Variants in CSMD1 observed in about 807,000 individuals in gnomAD.
CSMD1 encodes the protein CUB and Sushi multiple domains 1.
Under a neutral mutation model 417.5 loss-of-function variants are expected in CSMD1, and 213 were observed. The observed-to-expected ratio is 0.51, with a 90% CI of 0.46 to 0.57. The LOEUF is 0.57. Among genes scored for constraint, CSMD1 ranks in the 20% least tolerant of loss-of-function variants. The pLI is 0.00. For missense variants in CSMD1, 6,923 were observed against 4,529.7 expected (o/e 1.53, Z -15.17); for synonymous variants, 2,862 against 1,736.8 (o/e 1.65, Z -16.11).
chr8:4,532,967 G>A (rs567717952), intron 2 of CSMD1, among the ~76,000 whole-genome samples: 28 of 151,134 alleles, frequency 1.9e-4, no homozygotes, highest in Admixed American at 7.2e-4. Context: ...ATCCTGCACC[G>A]TCATTCACAG....
intron 1 of CSMD1, among the ~76,000 whole-genome samples, chr8:4,876,397 T>C (rs1187307809): frequency 6.6e-6 from 1 of 152,080 alleles, no homozygotes; most frequent in Non-Finnish European, 1.5e-5. Context: ...GAGCAAACCG[T>C]TAAAGGAGTA....
chr8:3,020,864 T>C (rs565612270), intron 51 of CSMD1, among the ~76,000 whole-genome samples: 27 of 152,334 alleles, frequency 1.8e-4, no homozygotes, highest in African/African-American at 5.8e-4. Flanking sequence ...TATTACAGTG[T>C]CATATCGTTT....
Position 3,891,816 on chromosome 8 carries a change from C to A in CSMD1, c.818+106087G>T, listed in dbSNP as rs139817486. On this transcript the variant is annotated intron_variant, in intron 5 of 69. Transcript: ENST00000635120. The stretch of plus-strand genomic sequence containing the variant: ...TAGGCACATCAATTATTTCTACAAG[C>A]CTAATTCTCTCATCTGTAATGGTAA... Among the ~76,000 whole-genome samples the A allele has an allele frequency of 1.8e-3, 270 of 152,206 alleles. 2 individuals carry two copies. Among genetic ancestry groups the A allele is most frequent in the Non-Finnish European group, 1.6e-3 (111 of 68,014 alleles).
intron 49 of CSMD1, among the ~76,000 whole-genome samples, chr8:3,063,341 G>C (rs1475897262): frequency 6.6e-6 from 1 of 152,100 alleles, no homozygotes; most frequent in East Asian, 1.9e-4. Flanking sequence ...GCAAAAACTA[G>C]GAAATAATGA....
intron 3 of CSMD1, among the ~76,000 whole-genome samples, chr8:4,368,979 T>C (rs2128911663): frequency 6.6e-6 from 1 of 152,236 alleles, no homozygotes; most frequent in Middle Eastern, 3.4e-3. Flanking sequence ...TTTGGTTATT[T>C]TCTGCTATGT....
At chr8:3,168,770 A>C (rs1282895493) in intron 37 of CSMD1, among the ~76,000 whole-genome samples, 1 of 152,250 alleles carries the variant, frequency 6.6e-6, no homozygotes, top group East Asian at 1.9e-4. Context: ...ATTTTGTCTC[A>C]TCTGTAAACT....
chr8:3,006,983 G>A (rs1254962706), intron 52 of CSMD1, among the ~76,000 whole-genome samples: 2 of 143,620 alleles, frequency 1.4e-5, no homozygotes, highest in Non-Finnish European at 3.0e-5. Context: ...AGAGTGAACG[G>A]GCAACCTACA....
chr8:3,296,551 G>C (rs965221258), intron 25 of CSMD1, among the ~76,000 whole-genome samples: 1 of 152,160 alleles, frequency 6.6e-6, no homozygotes, highest in Non-Finnish European at 1.5e-5. Flanking sequence ...GTGCTTGCTT[G>C]CTCTGTTGAC....
intron 23 of CSMD1, among the ~76,000 whole-genome samples, chr8:3,321,876 A>C (rs1199994242): frequency 6.6e-6 from 1 of 152,226 alleles, no homozygotes; most frequent in Non-Finnish European, 1.5e-5. Context: ...GGAGGATTTA[A>C]AAATAGCACT....
chr8:3,759,758 A>C (rs61136175), intron 5 of CSMD1, among the ~76,000 whole-genome samples: 4,254 of 150,492 alleles, frequency 0.028, 163 homozygotes, highest in East Asian at 0.14. Context: ...AAAAAAAAAA[A>C]TTAGCCAGAC....
At chr8:2,980,669 T>C (rs927620173) in intron 54 of CSMD1, among the ~76,000 whole-genome samples, 1 of 152,178 alleles carries the variant, frequency 6.6e-6, no homozygotes, top group Non-Finnish European at 1.5e-5. Context: ...ATTTACAATA[T>C]GTGAGGTTCA....
intron 2 of CSMD1, among the ~76,000 whole-genome samples, chr8:4,451,516 C>G (rs538178854): frequency 6.6e-6 from 1 of 152,114 alleles, no homozygotes; most frequent in East Asian, 1.9e-4. Flanking sequence ...TTTCTTATCA[C>G]AAAAATTCCA....
intron 52 of CSMD1, among the ~76,000 whole-genome samples, chr8:3,002,989 A>G (rs538587303): frequency 6.6e-6 from 1 of 152,222 alleles, no homozygotes. Flanking sequence ...AAGCTTCCTA[A>G]TACAGAACAA....
At chr8:4,581,169 C>G (rs1799399398) in intron 2 of CSMD1, among the ~76,000 whole-genome samples, 1 of 152,134 alleles carries the variant, frequency 6.6e-6, no homozygotes, top group African/African-American at 2.4e-5. Context: ...ACACAAATTT[C>G]TATTTTAGAA....
intron 2 of CSMD1, among the ~76,000 whole-genome samples, chr8:4,510,824 T>C (rs1396928236): frequency 8.8e-6 from 1 of 113,476 alleles, no homozygotes; most frequent in Non-Finnish European, 1.8e-5. Context: ...CTCCCTCCCT[T>C]CCTCTCTTCC....
At chr8:4,144,043 T>C (rs967207897) in intron 3 of CSMD1, among the ~76,000 whole-genome samples, 2 of 151,190 alleles carry the variant, frequency 1.3e-5, no homozygotes, top group African/African-American at 4.9e-5. Flanking sequence ...CTTTGATCCT[T>C]TGTTGTTAGG....
At chr8:4,913,069 G>A (rs755643888) in intron 1 of CSMD1, among the ~76,000 whole-genome samples, 3 of 152,126 alleles carry the variant, frequency 2.0e-5, no homozygotes, top group Non-Finnish European at 2.9e-5. Flanking sequence ...GATTACAGGG[G>A]TGAGCCCCCA....
chr8:4,126,987 T>C (rs1368311609), intron 3 of CSMD1, among the ~76,000 whole-genome samples: 4 of 152,128 alleles, frequency 2.6e-5, no homozygotes, highest in African/African-American at 9.7e-5. Flanking sequence ...CTGGTGCACA[T>C]TCGAGTTTGA....
chr8:3,435,154 G>A (rs560918943), intron 12 of CSMD1, among the ~76,000 whole-genome samples: 1 of 152,230 alleles, frequency 6.6e-6, no homozygotes, highest in Non-Finnish European at 1.5e-5. Context: ...ACTCCCCTTT[G>A]GTGAATCCCA....
Sources: allele counts gnomAD v4.1 joint callset (sites outside exome capture counted in the v4.1 genomes callset), GRCh38; gene constraint gnomAD v4.1.1; transcripts MANE v1.5; gene names NCBI Gene and HGNC (gene_info 2026-07-23, HGNC 2026-07-21).